NPIPB11: variants seen among roughly 807,000 people sequenced by gnomAD.
NPIPB11 encodes the protein nuclear pore complex interacting protein family member B11, also known as nuclear pore complex-interacting protein family member B11.
NPIPB11 carries 17 observed loss-of-function variants against 32.8 expected under a neutral mutation model. The observed-to-expected ratio is 0.52, with a 90% CI of 0.35 to 0.78. The LOEUF is 0.78. Among genes scored for constraint, NPIPB11 ranks in the 30% least tolerant of loss-of-function variants. The pLI is 0.01. For synonymous variants in NPIPB11, 209 were observed against 398.4 expected (o/e 0.52, Z 5.66); for missense variants, 537 against 1,000.4 (o/e 0.54, Z 6.25).
chr16:29,399,730 C>T (rs1352246622), intron 2 of NPIPB11, among the ~76,000 whole-genome samples: 2 of 151,500 alleles, frequency 1.3e-5, no homozygotes, highest in East Asian at 2.0e-4. Flanking sequence ...AAACAAAAAA[C>T]AGGGTTAACA....
intron 2 of NPIPB11, among the ~76,000 whole-genome samples, chr16:29,399,619 A>G (rs966654086): frequency 6.7e-4 from 102 of 151,860 alleles, no homozygotes; most frequent in Non-Finnish European, 1.3e-3. Flanking sequence ...AATAGTTTGA[A>G]CCCAGGAGGC....
intron 2 of NPIPB11, among the ~76,000 whole-genome samples, chr16:29,395,624 A>G (rs1460113552): frequency 6.9e-6 from 1 of 145,960 alleles, no homozygotes; most frequent in East Asian, 2.0e-4. Flanking sequence ...GTAAAAAAAA[A>G]AAAAAATACA....
intron 2 of NPIPB11, among the ~76,000 whole-genome samples, chr16:29,394,867 T>A (rs1229137186): frequency 3.3e-5 from 5 of 149,996 alleles, no homozygotes; most frequent in African/African-American, 1.2e-4. Flanking sequence ...TGCCTCAGCC[T>A]CCTGAGTAGC....
At chr16:29,393,616 C>T (rs1435409497) in intron 3 of NPIPB11, among the ~76,000 whole-genome samples, 6 of 149,930 alleles carry the variant, frequency 4.0e-5, no homozygotes, top group African/African-American at 4.9e-5. Context: ...TCCACCCATA[C>T]GATAGAACTA....
intron 3 of NPIPB11, among the ~76,000 whole-genome samples, chr16:29,390,921 C>A (rs1177972168): frequency 1.4e-5 from 2 of 145,552 alleles, no homozygotes; most frequent in East Asian, 2.0e-4. Flanking sequence ...TGAGATTGTG[C>A]CATTGCACTC....
At chr16:29,401,080 C>T (rs375361342) in intron 2 of NPIPB11, among the ~76,000 whole-genome samples, 112 of 152,168 alleles carry the variant, frequency 7.4e-4, no homozygotes, top group Non-Finnish European at 1.4e-3. Flanking sequence ...TCAGGCCCCA[C>T]GATGTTTTGG....
chr16:29,382,253 C>T (rs3209299), exon 8 of NPIPB11: 23 of 1,593,948 alleles, frequency 1.4e-5, no homozygotes, highest in African/African-American at 7.2e-5. Context: ...GATTATCATC[C>T]GCTGAGGGTG....
chr16:29,400,960 G>A (rs563667921), intron 2 of NPIPB11, among the ~76,000 whole-genome samples: 18 of 152,194 alleles, frequency 1.2e-4, no homozygotes, highest in Non-Finnish European at 2.1e-4. Flanking sequence ...GCTCCGGCAG[G>A]GTACAGGCTC....
Position 29,394,147 on chromosome 16 carries a change from C to G in NPIPB11, c.121-71G>C, listed in dbSNP as rs562950184. 9.4e-5 allele frequency: 145 copies of G among 1,537,186 alleles called. 2 individuals carry two copies. In the South Asian group the frequency reaches 1.6e-3, roughly 17 times the overall value. On this transcript the variant is annotated intron_variant, in intron 2 of 7. Transcript: ENST00000524087. ...CAATATTTCACTCAGAAAGAATCAT[C>G]CTTAGAAACCGTCAACCTCCTCCAA...
chr16:29,396,880 G>T (rs1435241478), intron 2 of NPIPB11, among the ~76,000 whole-genome samples: 1 of 151,172 alleles, frequency 6.6e-6, no homozygotes, highest in African/African-American at 2.4e-5. Flanking sequence ...GGCCAGGCGC[G>T]GTGGCTCACG....
chr16:29,399,747 T>G (rs1177128463), intron 2 of NPIPB11, among the ~76,000 whole-genome samples: 1 of 151,008 alleles, frequency 6.6e-6, no homozygotes, highest in East Asian at 2.0e-4. Context: ...AACAAAACTA[T>G]GGAATTCAAT....
chr16:29,405,206 C>T (rs976553108), upstream of NPIPB11, among the ~76,000 whole-genome samples: 12 of 151,912 alleles, frequency 7.9e-5, no homozygotes, highest in African/African-American at 2.9e-4. Flanking sequence ...AGGAAAAAAC[C>T]CTCAATTTCC....
chr16:29,391,597 C>T (rs1158561511), intron 3 of NPIPB11, among the ~76,000 whole-genome samples: 3 of 151,644 alleles, frequency 2.0e-5, no homozygotes, highest in Admixed American at 1.3e-4. Context: ...CCAAGATTTC[C>T]ATATTATCAC....
intron 2 of NPIPB11, among the ~76,000 whole-genome samples, chr16:29,401,294 A>G (rs543069366): frequency 6.6e-6 from 1 of 152,030 alleles, no homozygotes; most frequent in East Asian, 1.9e-4. Context: ...TTCCAGATCA[A>G]CTCTCTCAAT....
At chr16:29,403,097 T>G (rs1003069547) in intron 2 of NPIPB11, among the ~76,000 whole-genome samples, 3 of 147,240 alleles carry the variant, frequency 2.0e-5, no homozygotes, top group African/African-American at 7.5e-5. Context: ...TTTTTTTTTT[T>G]GACAGAGTCT....
chr16:29,405,199 A>G (rs1318326380), upstream of NPIPB11, among the ~76,000 whole-genome samples: 2 of 152,066 alleles, frequency 1.3e-5, no homozygotes, highest in Non-Finnish European at 2.9e-5. Flanking sequence ...ATGTTTTAGG[A>G]AAAAACCCTC....
At chr16:29,406,236 G>A (rs1265067811), upstream of NPIPB11, among the ~76,000 whole-genome samples, 2 of 152,248 alleles carry the variant, frequency 1.3e-5, no homozygotes, top group Non-Finnish European at 2.9e-5. Context: ...GGCAGGCATT[G>A]TCAAATGTGG....
upstream of NPIPB11, among the ~76,000 whole-genome samples, chr16:29,405,144 T>G (rs1233432220): frequency 6.6e-6 from 1 of 151,970 alleles, no homozygotes; most frequent in East Asian, 1.9e-4. Flanking sequence ...TAACTGTGTC[T>G]GAAACATTAG....
intron 3 of NPIPB11, among the ~76,000 whole-genome samples, chr16:29,393,254 C>T (rs1481125202): frequency 6.6e-6 from 1 of 151,516 alleles, no homozygotes; most frequent in Non-Finnish European, 1.5e-5. Context: ...GGGGCTTTCT[C>T]TGCATCATGA....
Sources: gnomAD v4.1 joint callset for allele counts (sites outside exome capture counted in the v4.1 genomes callset) on GRCh38, gnomAD v4.1.1 for gene constraint, MANE v1.5 for transcripts, NCBI Gene and HGNC (gene_info 2026-07-23, HGNC 2026-07-21) for gene names.